Variants in HTR6 observed in about 807,000 individuals in gnomAD.
HTR6 encodes 5-hydroxytryptamine receptor 6.
Under a neutral mutation model 17.4 loss-of-function variants are expected in HTR6, and 15 were observed. That is an observed-to-expected ratio of 0.86 (90% CI 0.58 to 1.33). The LOEUF is 1.33. HTR6 is among the 40% of genes most tolerant of loss of function. The probability of loss-of-function intolerance (pLI) is 0.00; values close to 1 mark genes in which losing one functional copy is unlikely to be tolerated. For synonymous variants in HTR6, 326 were observed against 295.5 expected (o/e 1.10, Z -1.06); for missense variants, 578 against 616.0 (o/e 0.94, Z 0.65).
rs779394192 is a variant in HTR6 at position 19,678,739 on chromosome 1, A to T, written c.873+14A>T. 1 of 1,603,372 alleles carries T rather than the reference A, an allele frequency of 6.2e-7. No homozygotes were observed. Among genetic ancestry groups the T allele is most frequent in the Admixed American group, 1.7e-5 (1 of 59,718 alleles). On this transcript the variant is annotated intron_variant, in intron 2 of 2. Transcript: ENST00000289753. ...AACATAGTCCAGGTAATGCCACGGC[A>T]GGGGGCAGGTGAGTCCGGCCCTTGC... is the stretch of plus-strand genomic sequence containing the variant.
At chr1:19,671,145 G>A (rs2095087523) in intron 1 of HTR6, among the ~76,000 whole-genome samples, 1 of 152,058 alleles carries the variant, frequency 6.6e-6, no homozygotes, top group Non-Finnish European at 1.5e-5. Context: ...CTTATAGGAG[G>A]GATGCTTCAC....
At chr1:19,675,381 T>C (rs897693568) in intron 1 of HTR6, among the ~76,000 whole-genome samples, 4 of 152,094 alleles carry the variant, frequency 2.6e-5, no homozygotes, top group African/African-American at 9.7e-5. Context: ...CAGGTTTTGG[T>C]TGGAGGCCTT....
rs1442566934 is a variant in HTR6, at chr1:19,680,681, A to T, written c.*1313A>T. On this transcript the variant is annotated 3_prime_UTR_variant, in exon 3 of 3. Coordinates refer to ENST00000289753, the MANE Select transcript of HTR6 (RefSeq NM_000871.3). ...GTGAGGTGGGGCCCACGAGGCAGGCAGGTGGACTCTGGCACAGGGGCCTTG... is the reference window on the plus strand; with the variant it reads ...GTGAGGTGGGGCCCACGAGGCAGGCTGGTGGACTCTGGCACAGGGGCCTTG... 6.6e-6 allele frequency among the ~76,000 whole-genome samples: 1 copy of T among 152,112 alleles called. No individual in the cohort carries two copies. The highest frequency in any genetic ancestry group is 1.5e-5 in the Non-Finnish European group (1 of 67,992).
At chr1:19,678,855 A>G (rs1421048175) in intron 2 of HTR6, 64 bp from the exon 3 acceptor site, 2 of 1,558,878 alleles carry the variant, frequency 1.3e-6, no homozygotes, top group South Asian at 1.2e-5. Context: ...TGCTCCATAC[A>G]TGCTGGGAAG....
At chr1:19,676,352 A>G (rs1248511363) in intron 1 of HTR6, among the ~76,000 whole-genome samples, 1 of 152,176 alleles carries the variant, frequency 6.6e-6, no homozygotes, top group Non-Finnish European at 1.5e-5. Flanking sequence ...CACCTGTCTT[A>G]AAAGCCCAGG....
At position 19,679,389 on chromosome 1, in the gene HTR6, A is replaced by G. The variant is rs375487334; in HGVS notation, c.*21A>G. On this transcript the variant is annotated 3_prime_UTR_variant, in exon 3 of 3. Transcript: ENST00000289753. This position sits in a 1 kb window ranked among gnomAD's most constrained non-coding sequence, Gnocchi z 4.9. ...ACTGACCCGGGCTTGGGGCTGGCCA[A>G]TGGGGAGCTGGATTGAGCAGAACCC... The G allele has an allele frequency of 1.9e-6, 3 of 1,554,000 alleles. No homozygotes were observed. Among genetic ancestry groups the G allele is most frequent in the South Asian group, 1.2e-5 (1 of 81,736 alleles).
chr1:19,675,139 A>G (rs553052941), intron 1 of HTR6, among the ~76,000 whole-genome samples: 113 of 152,278 alleles, frequency 7.4e-4, no homozygotes, highest in African/African-American at 2.6e-3. Context: ...TGAAGTGGGC[A>G]GAGTGGTGTT....
chr1:19,674,119 C>T (rs142556222), intron 1 of HTR6, among the ~76,000 whole-genome samples: 1,575 of 152,212 alleles, frequency 0.01, 16 homozygotes, highest in South Asian at 0.029. Context: ...CCACCTGCCT[C>T]GGCCTCCCAA....
In HTR6 at chr1:19,669,513, C is replaced by T. The variant is rs959965119; in HGVS notation, c.714+3046C>T. Among the ~76,000 whole-genome samples the T allele has an allele frequency of 4.6e-5, 7 of 152,264 alleles. 1 individual carries two copies. Among genetic ancestry groups the T allele is most frequent in the Admixed American group, 6.5e-5 (1 of 15,290 alleles). On this transcript the variant is annotated intron_variant, in intron 1 of 2. Transcript: ENST00000289753. ...TAAGCTCGGATCTGGCTGGTGCCAT[C>T]GCCCTGTGCTGGTGTGCTGCCTGTG...
Position 19,666,169 on chromosome 1 carries a change from C to A in HTR6, c.416C>A (p.Thr139Lys). 1 of 1,611,124 alleles carries A rather than the reference C, an allele frequency of 6.2e-7. No homozygotes were observed. Among genetic ancestry groups the A allele is most frequent in the South Asian group, 1.1e-5 (1 of 91,086 alleles). Residue 139 changes from threonine to lysine, a missense_variant, in exon 1 of 3, where the codon ACG (threonine) becomes AAG (lysine). Thr to Lys is a moderately conservative substitution (Grantham distance 78). Transcript: ENST00000289753. This position sits in a 1 kb window ranked among gnomAD's most constrained non-coding sequence, Gnocchi z 4.5. ...CCGCTGCGCTACAAGCTGCGCATGA[C>A]GCCCCTGCGTGCCCTGGCCCTAGTC... Reference protein sequence around the residue: ...LSPLRYKLRMTPLRALALVLG... With the variant: ...LSPLRYKLRMKPLRALALVLG...
chr1:19,670,467 CTTTT>C (rs34145209), intron 1 of HTR6, among the ~76,000 whole-genome samples: 2 of 137,676 alleles, frequency 1.5e-5, no homozygotes. Context: ...GTTTTTCTGC[CTTTT>C]TTTTTTTTTT....
rs2100479335 is a variant in HTR6 at position 19,679,463 on chromosome 1, A to G, written c.*95A>G. ...TCTTGGCTAAGACCAGGAGGCTGCA[A>G]GTCTCCTAGAAGCCCTCTGAGCTCC... On this transcript the variant is annotated 3_prime_UTR_variant, in exon 3 of 3. Coordinates refer to ENST00000289753, the MANE Select transcript of HTR6 (RefSeq NM_000871.3). This position sits in a 1 kb window ranked among gnomAD's most constrained non-coding sequence, Gnocchi z 4.9. 1 of 1,436,876 alleles carries G rather than the reference A, an allele frequency of 7.0e-7. No homozygotes were observed. Among genetic ancestry groups the G allele is most frequent in the South Asian group, 1.5e-5 (1 of 68,132 alleles). The allele number at this position is 1,436,876 out of a possible 1,614,324, so 89.0% of individuals were successfully genotyped here. A position where few individuals can be genotyped will look rare whatever the true frequency, so the allele number is the denominator to read the frequency against.
At chr1:19,669,495 G>A (rs992625245) in intron 1 of HTR6, among the ~76,000 whole-genome samples, 3 of 152,204 alleles carry the variant, frequency 2.0e-5, no homozygotes, top group Admixed American at 6.5e-5. Context: ...GTTTAAGCTC[G>A]GATCTGGCTG....
chr1:19,675,330 C>T (rs948022158), intron 1 of HTR6, among the ~76,000 whole-genome samples: 2 of 152,000 alleles, frequency 1.3e-5, no homozygotes, highest in Non-Finnish European at 2.9e-5. Context: ...AGTAAGTGCT[C>T]GAGAAATGGG....
At chr1:19,668,473 G>A (rs1489447347) in intron 1 of HTR6, among the ~76,000 whole-genome samples, 2 of 152,140 alleles carry the variant, frequency 1.3e-5, no homozygotes, top group African/African-American at 4.8e-5. Context: ...AGGCTTCCCT[G>A]GGTTCTTGAA....
chr1:19,668,425 G>A lies in HTR6; in HGVS notation c.714+1958G>A, dbSNP rs145053706. Among the ~76,000 whole-genome samples the A allele has an allele frequency of 1.6e-4, 24 of 152,202 alleles. 2 individuals carry two copies. Among genetic ancestry groups the A allele is most frequent in the African/African-American group, 5.5e-4 (23 of 41,506 alleles). ...ACTCACTGAACTCTTGGGCTCAAGCGATCCTCCTGTCTTGGCCTCCCAAAG... is the reference window on the plus strand; with the variant it reads ...ACTCACTGAACTCTTGGGCTCAAGCAATCCTCCTGTCTTGGCCTCCCAAAG... On this transcript the variant is annotated intron_variant, in intron 1 of 2. Coordinates refer to ENST00000289753, the MANE Select transcript of HTR6 (RefSeq NM_000871.3).
intron 1 of HTR6, among the ~76,000 whole-genome samples, chr1:19,673,145 T>C (rs976474728): frequency 6.6e-6 from 1 of 152,228 alleles, no homozygotes; most frequent in Non-Finnish European, 1.5e-5. Flanking sequence ...CTAATAATAA[T>C]GACAACAATA....
At chr1:19,676,869 C>A (rs754953672) in intron 1 of HTR6, among the ~76,000 whole-genome samples, 6 of 152,230 alleles carry the variant, frequency 3.9e-5, no homozygotes, top group African/African-American at 1.4e-4. Context: ...ATCCCAGTGC[C>A]GGGAAAATCC....
rs2095081324 is a variant in HTR6 at position 19,666,112 on chromosome 1, T to C, written c.359T>C (p.Ile120Thr). The change falls in exon 1 of 3, where the codon ATC becomes ACC. Residue 120 changes from isoleucine to threonine, a missense_variant. By Grantham distance (89) the Ile-to-Thr change is moderately conservative. Transcript: ENST00000289753. This position sits in a 1 kb window ranked among gnomAD's most constrained non-coding sequence, Gnocchi z 4.5. Reference protein sequence around the residue: ...CSASILNLCLISLDRYLLILS... With the variant: ...CSASILNLCLTSLDRYLLILS... ...GCCTCCATCCTCAACCTCTGCCTCA[T>C]CAGCCTGGACCGCTACCTGCTCATC... is the stretch of plus-strand genomic sequence containing the variant. The C allele has an allele frequency of 6.2e-7, 1 of 1,612,434 alleles. No individual in the cohort carries two copies. Among genetic ancestry groups the C allele is most frequent in the Non-Finnish European group, 8.5e-7 (1 of 1,179,906 alleles).
Sources: allele counts gnomAD v4.1 joint callset (sites outside exome capture counted in the v4.1 genomes callset), GRCh38; gene constraint gnomAD v4.1.1; non-coding constraint Gnocchi (gnomAD v3.1); transcripts MANE v1.5; gene names NCBI Gene and HGNC (gene_info 2026-07-23, HGNC 2026-07-21).